Variants in ADHFE1 observed in about 807,000 individuals in gnomAD.
The protein encoded by ADHFE1 is hydroxyacid-oxoacid transhydrogenase, mitochondrial.
A neutral mutation model predicts 54.8 loss-of-function variants in ADHFE1; 37 were observed. The observed-to-expected ratio is 0.68, with a 90% confidence interval of 0.52 to 0.89. ADHFE1 has a LOEUF of 0.89. ADHFE1 is among the 40% of genes least tolerant of loss of function. The pLI, the probability that ADHFE1 is intolerant of heterozygous loss-of-function variation, is 0.00. For missense variants in ADHFE1, 601 were observed against 591.2 expected (o/e 1.02, Z -0.17); for synonymous variants, 203 against 229.3 (o/e 0.89, Z 1.04).
At chr8:66,464,349 G>A (rs573730945) in intron 13 of ADHFE1, among the ~76,000 whole-genome samples, 1 of 152,144 alleles carries the variant, frequency 6.6e-6, no homozygotes, top group African/African-American at 2.4e-5. Flanking sequence ...CTCAGGCTTG[G>A]CTTCAAATAC....
chr8:66,433,508 A>G (rs1805309062), intron 1 of ADHFE1, among the ~76,000 whole-genome samples: 1 of 152,178 alleles, frequency 6.6e-6, no homozygotes, highest in Non-Finnish European at 1.5e-5. Context: ...CCTATGACAC[A>G]CGGTATTGTC....
chr8:66,457,260 C>T lies in ADHFE1; in HGVS notation c.1162+94C>T, dbSNP rs1806635309. ...TTGGGAGGCTAAGTTGGGTGCATCACTTGAGCCCAGGAGTTCAAGACCAGC... is the reference window on the plus strand; with the variant it reads ...TTGGGAGGCTAAGTTGGGTGCATCATTTGAGCCCAGGAGTTCAAGACCAGC... On this transcript the variant is annotated intron_variant, in intron 12 of 13. Transcript: ENST00000396623. 3 of 1,185,594 alleles carry T rather than the reference C, an allele frequency of 2.5e-6. 1 individual carries two copies. The South Asian group carries it at 4.4e-5, about 17-fold the overall frequency. 73.4% of individuals were successfully genotyped at this position (1,185,594 alleles called of 1,614,324 possible). A position where few individuals can be genotyped will look rare whatever the true frequency, so the allele number is the denominator to read the frequency against.
chr8:66,438,942 T>A (rs1232353706), intron 1 of ADHFE1, among the ~76,000 whole-genome samples: 2 of 151,040 alleles, frequency 1.3e-5, no homozygotes, highest in Non-Finnish European at 3.0e-5. Flanking sequence ...AAGTTTTGAG[T>A]TTGGATTTTT....
chr8:66,437,741 G>A (rs1213114060), intron 1 of ADHFE1, among the ~76,000 whole-genome samples: 1 of 152,186 alleles, frequency 6.6e-6, no homozygotes, highest in Non-Finnish European at 1.5e-5. Context: ...GATCCTGCCT[G>A]GGCATCACTA....
intron 12 of ADHFE1, chr8:66,459,430 A>ATATATAT (rs1191407388): frequency 1.6e-5 from 2 of 126,768 alleles, no homozygotes; most frequent in African/African-American, 6.0e-5. Flanking sequence ...ATATATATAT[A>ATATATAT]TTTTTTTTTT....
chr8:66,460,541 G>T, intron 13 of ADHFE1, 76 bp downstream of exon 13: 2 of 1,490,262 alleles, frequency 1.3e-6, no homozygotes, highest in Non-Finnish European at 1.8e-6. Flanking sequence ...ATTGATGGCG[G>T]GCTAGCAGGG....
chr8:66,435,975 G>C (rs1465731801), intron 1 of ADHFE1, among the ~76,000 whole-genome samples: 1 of 148,316 alleles, frequency 6.7e-6, no homozygotes, highest in Admixed American at 6.7e-5. Flanking sequence ...GAGTACAGTG[G>C]TGTGATCTCG....
chr8:66,441,191 C>T (rs1435657056), intron 2 of ADHFE1, among the ~76,000 whole-genome samples: 4 of 152,074 alleles, frequency 2.6e-5, no homozygotes, highest in Admixed American at 6.6e-5. Flanking sequence ...CATTGTTTTC[C>T]AGGATCATAT....
chr8:66,440,826 C>T (rs1234280870), intron 2 of ADHFE1, among the ~76,000 whole-genome samples: 2 of 152,260 alleles, frequency 1.3e-5, no homozygotes, highest in Non-Finnish European at 1.5e-5. Flanking sequence ...TTTGTCTCTT[C>T]TAAGGTCAGA....
chr8:66,432,571 G>A lies in ADHFE1; in HGVS notation c.55G>A (p.Ala19Thr). 1.5e-6 allele frequency: 2 copies of A among 1,340,188 alleles called. No homozygotes were observed. Among genetic ancestry groups the A allele is most frequent in the Non-Finnish European group, 1.9e-6 (2 of 1,037,422 alleles). 83.0% of individuals were successfully genotyped at this position (1,340,188 alleles called of 1,614,324 possible). ...GTACTTGCTGAGGCAACTGCAACGC[G>A]CAGCGTGAGTGCGGGGCCGGCGGGC... ...VAYLLRQLQRAACQCPTHSHT... is the reference protein window; with the variant it reads ...VAYLLRQLQRTACQCPTHSHT... The change falls in exon 1 of 14, where the codon GCA becomes ACA. Residue 19 changes from alanine (A) to threonine (T), a missense_variant. By Grantham distance (58) the Ala-to-Thr change is moderately conservative. Coordinates refer to ENST00000396623, the MANE Select transcript of ADHFE1 (RefSeq NM_144650.3).
chr8:66,446,513 ACG>A (rs1806032081), intron 6 of ADHFE1, among the ~76,000 whole-genome samples: 1 of 152,252 alleles, frequency 6.6e-6, no homozygotes, highest in African/African-American at 2.4e-5. Context: ...GTCATCACAC[ACG>A]TGCATGATTA....
At chr8:66,440,076 GC>G (rs1805669103) in intron 1 of ADHFE1, 85 bp from the exon 2 acceptor site, 1 of 1,294,434 alleles carries the variant, frequency 7.7e-7, no homozygotes, top group Admixed American at 1.9e-5. Context: ...GCACTAGACT[GC>G]AATGTGAGTT....
intron 10 of ADHFE1, among the ~76,000 whole-genome samples, chr8:66,455,790 G>T (rs921490625): frequency 2.6e-5 from 4 of 152,134 alleles, no homozygotes; most frequent in Non-Finnish European, 2.9e-5. Context: ...AAGTGTGGTG[G>T]TGCATGCCTG....
At position 66,444,261 on chromosome 8, in the gene ADHFE1, G is replaced by GTGTA; in HGVS notation, c.145-104_145-101dup. On this transcript the variant is annotated intron_variant, in intron 3 of 13. Transcript: ENST00000396623. ...ATGACCTGGAAGACCATGCTAAGGA[G>GTGTA]TGTATACTTTATGCTCTAGGCAACA... 4.0e-6 allele frequency: 4 copies of GTGTA among 1,004,834 alleles called. No individual in the cohort carries two copies. In the South Asian group the frequency reaches 5.7e-5, roughly 14 times the overall value. 62.2% of individuals were successfully genotyped at this position (1,004,834 alleles called of 1,614,324 possible).
intron 10 of ADHFE1, among the ~76,000 whole-genome samples, chr8:66,454,389 G>A (rs1806463720): frequency 6.6e-6 from 1 of 151,246 alleles, no homozygotes; most frequent in Non-Finnish European, 1.5e-5. Context: ...GTATTCTTTT[G>A]TGTTCCTAAA....
At chr8:66,466,040 GT>G (rs35896820) in intron 13 of ADHFE1, among the ~76,000 whole-genome samples, 81,451 of 145,698 alleles carry the variant, frequency 0.56, 23,381 homozygotes, top group African/African-American at 0.71. Context: ...TAGTTTATCT[GT>G]TTTTTTTTTT....
At chr8:66,452,482 G>T (rs1281829101) in intron 9 of ADHFE1, among the ~76,000 whole-genome samples, 1 of 152,214 alleles carries the variant, frequency 6.6e-6, no homozygotes, top group Non-Finnish European at 1.5e-5. Context: ...TAACTCAAAT[G>T]AACTAAACTT....
intron 13 of ADHFE1, among the ~76,000 whole-genome samples, chr8:66,466,710 A>G (rs1454254743): frequency 2.0e-5 from 3 of 152,252 alleles, no homozygotes; most frequent in Non-Finnish European, 4.4e-5. Flanking sequence ...TGATTAGTGT[A>G]TGAAGGAAAA....
rs750300063 is a variant in ADHFE1, at chr8:66,440,156, C to T, written c.60-6C>T. 13 of 1,170,762 alleles carry T rather than the reference C, an allele frequency of 1.1e-5. No homozygotes were observed. Among genetic ancestry groups the T allele is most frequent in the Non-Finnish European group, 1.5e-5 (12 of 825,244 alleles). The allele number at this position is 1,170,762 out of a possible 1,614,324, so 72.5% of individuals were successfully genotyped here. A position where few individuals can be genotyped will look rare whatever the true frequency, so the allele number is the denominator to read the frequency against. On this transcript the variant is annotated splice_polypyrimidine_tract_variant and splice_region_variant and intron_variant, in intron 1 of 13. Transcript: ENST00000396623. Reference sequence around the variant, plus strand: ...TTTTTTTTGCTGTCGTTTTTATTTTCCCTAGGTGCCAGTGCCCAACTCATT... The same window carrying T: ...TTTTTTTTGCTGTCGTTTTTATTTTTCCTAGGTGCCAGTGCCCAACTCATT...
Sources: allele counts gnomAD v4.1 joint callset (sites outside exome capture counted in the v4.1 genomes callset), GRCh38; gene constraint gnomAD v4.1.1; transcripts MANE v1.5; gene names NCBI Gene and HGNC (gene_info 2026-07-23, HGNC 2026-07-21).